Variants in DIMT1 observed in about 807,000 individuals in gnomAD.
DIMT1 encodes the protein dimethyladenosine transferase.
A neutral mutation model predicts 43.2 loss-of-function variants in DIMT1; 36 were observed. That is an observed-to-expected ratio of 0.83 (90% confidence interval 0.64 to 1.10). The LOEUF is 1.10. Among genes scored for constraint, DIMT1 ranks in the 50% least tolerant of loss-of-function variants. DIMT1 has a pLI of 0.00. For synonymous variants in DIMT1, 126 were observed against 130.3 expected (o/e 0.97, Z 0.22); for missense variants, 341 against 385.3 (o/e 0.88, Z 0.96).
intron 6 of DIMT1, among the ~76,000 whole-genome samples, chr5:62,397,001 G>A (rs1196003811): frequency 1.3e-5 from 2 of 152,184 alleles, no homozygotes; most frequent in Non-Finnish European, 1.5e-5. Context: ...GGAGTGTGGA[G>A]TGCAGTGGCA....
chr5:62,396,979 G>C (rs1029562535), intron 6 of DIMT1, among the ~76,000 whole-genome samples: 5 of 152,162 alleles, frequency 3.3e-5, no homozygotes, highest in African/African-American at 1.2e-4. Context: ...ATCTCGCTCT[G>C]TTGCCCAGGC....
In DIMT1 at chr5:62,388,910, AAAT is replaced by A. The variant is rs1433197599; in HGVS notation, c.*97_*99del. 8.9e-6 allele frequency: 10 copies of A among 1,125,162 alleles called. No homozygotes were observed. The Admixed American group carries it at 9.2e-5, about 10-fold the overall frequency. The allele number at this position is 1,125,162 out of a possible 1,614,324, so 69.7% of individuals were successfully genotyped here. On this transcript the variant is annotated 3_prime_UTR_variant, in exon 12 of 12. Coordinates refer to ENST00000199320, the MANE Select transcript of DIMT1 (RefSeq NM_014473.4). ...AGTATTGAACCAAAAATAGTCAAGT[AAAT>A]AATGTCTCAGTAAAGCAAAAGCATT...
intron 3 of DIMT1, among the ~76,000 whole-genome samples, chr5:62,400,034 G>A (rs893644217): frequency 6.6e-6 from 1 of 152,094 alleles, no homozygotes; most frequent in Non-Finnish European, 1.5e-5. Context: ...TTCAACAGAT[G>A]ATGAAAAAAA....
At chr5:62,401,948 C>A in intron 3 of DIMT1, 88 bp downstream of exon 3, 1 of 1,258,596 alleles carries the variant, frequency 7.9e-7, no homozygotes. Flanking sequence ...AAAATAATAG[C>A]AATTAGTTAA....
intron 11 of DIMT1, among the ~76,000 whole-genome samples, chr5:62,389,666 A>G (rs971511062): frequency 3.3e-5 from 5 of 152,098 alleles, no homozygotes; most frequent in African/African-American, 1.2e-4. Context: ...GTTTCAAGGT[A>G]ACTGAACAAG....
At chr5:62,403,230 TTAA>T in intron 2 of DIMT1, 40 bp downstream of exon 2, 1 of 1,567,354 alleles carries the variant, frequency 6.4e-7, no homozygotes, top group South Asian at 1.1e-5. Flanking sequence ...AGGAATAAAA[TTAA>T]TAAACCAACA....
chr5:62,398,770 T>G (rs533789607), intron 4 of DIMT1, 31 bp from the exon 5 acceptor site: 1 of 1,613,986 alleles, frequency 6.2e-7, no homozygotes, highest in Admixed American at 1.7e-5. Flanking sequence ...GTAAAAAGAA[T>G]GTTGTTTCAT....
rs758537610 is a variant in DIMT1 at position 62,394,060 on chromosome 5, A to C, written c.571-13T>G. On this transcript the variant is annotated splice_polypyrimidine_tract_variant and intron_variant, in intron 7 of 11. Coordinates refer to ENST00000199320, the MANE Select transcript of DIMT1 (RefSeq NM_014473.4). ...TATTCTTTCCCACCTGTTAATGAAAAAGTATTTAAGTAGTACTCACAAAGG... is the reference window on the plus strand; with the variant it reads ...TATTCTTTCCCACCTGTTAATGAAACAGTATTTAAGTAGTACTCACAAAGG... The C allele has an allele frequency of 1.5e-5, 24 of 1,609,202 alleles. 1 individual carries two copies. In the South Asian group the frequency reaches 2.7e-4, roughly 18 times the overall value.
At position 62,390,969 on chromosome 5, in the gene DIMT1, T is replaced by G. The variant is rs1277866740; in HGVS notation, c.806A>C (p.Asp269Ala). The G allele has an allele frequency of 1.2e-6, 2 of 1,613,212 alleles. No homozygotes were observed. Among genetic ancestry groups the G allele is most frequent in the African/African-American group, 2.7e-5 (2 of 74,932 alleles). The change falls in exon 11 of 12, where the codon GAT becomes GCT. Residue 269 changes from aspartate to alanine, a missense_variant. By Grantham distance (126) the Asp-to-Ala change is moderately radical. Transcript: ENST00000199320. ...CTGTATTTTATCTGCTATGCTGAAA[T>G]CTTCTGGTATTATCTATCAATATAA... ...CSVHNIIIPE[D>A]FSIADKIQQI...
At chr5:62,394,363 G>A in intron 7 of DIMT1, 121 bp downstream of exon 7, 1 of 1,082,366 alleles carries the variant, frequency 9.2e-7, no homozygotes, top group Non-Finnish European at 1.4e-6. Flanking sequence ...AGCTACTCGG[G>A]ACTCGAGAAG....
At chr5:62,403,090 A>T (rs1742765588) in intron 2 of DIMT1, among the ~76,000 whole-genome samples, 183 bp downstream of exon 2, 1 of 152,268 alleles carries the variant, frequency 6.6e-6, no homozygotes, top group East Asian at 1.9e-4. Flanking sequence ...GGAGAAACTC[A>T]GACCCACAAA....
chr5:62,394,875 AC>A (rs1742425542), intron 6 of DIMT1, among the ~76,000 whole-genome samples: 1 of 152,178 alleles, frequency 6.6e-6, no homozygotes, highest in South Asian at 2.1e-4. Flanking sequence ...CTAGTCCATC[AC>A]CTCTTCTATG....
At position 62,403,759 on chromosome 5, in the gene DIMT1, T is replaced by C; in HGVS notation, c.14A>G (p.Lys5Arg). Reference sequence around the variant, plus strand: ...GCGGCGGCGGCCGATGGCCCCCGACTTGACCTTCGGCATCTCGGCAGAAAG... The same window carrying C: ...GCGGCGGCGGCCGATGGCCCCCGACCTGACCTTCGGCATCTCGGCAGAAAG... MPKV[K>R]SGAIGRRRGR... Residue 5 changes from lysine (K) to arginine (R), a missense_variant, in exon 1 of 12, where the codon AAG (lysine) becomes AGG (arginine). By Grantham distance (26) the Lys-to-Arg change is conservative. Coordinates refer to ENST00000199320, the MANE Select transcript of DIMT1 (RefSeq NM_014473.4). The C allele has an allele frequency of 6.2e-7, 1 of 1,610,340 alleles. No individual in the cohort carries two copies. The highest frequency in any genetic ancestry group is 8.5e-7 in the Non-Finnish European group (1 of 1,178,812).
intron 3 of DIMT1, among the ~76,000 whole-genome samples, chr5:62,399,657 A>T (rs1168865745): frequency 6.6e-6 from 1 of 150,574 alleles, no homozygotes; most frequent in East Asian, 2.0e-4. Context: ...AAAAAAAAAA[A>T]GCCGGGTGTG....
intron 6 of DIMT1, among the ~76,000 whole-genome samples, chr5:62,395,170 G>A (rs1276882070): frequency 6.6e-6 from 1 of 151,658 alleles, no homozygotes; most frequent in African/African-American, 2.4e-5. Context: ...GATTACAGGC[G>A]CACACTACCA....
intron 6 of DIMT1, 92 bp downstream of exon 6, chr5:62,398,419 T>G (rs1298237384): frequency 1.5e-6 from 2 of 1,296,520 alleles, no homozygotes; most frequent in African/African-American, 1.5e-5. Context: ...TCAGTAGTTT[T>G]TCAACTGACC....
At chr5:62,399,036 A>G (rs1161119302) in intron 3 of DIMT1, among the ~76,000 whole-genome samples, 155 bp from the exon 4 acceptor site, 2 of 152,238 alleles carry the variant, frequency 1.3e-5, no homozygotes, top group Non-Finnish European at 2.9e-5. Flanking sequence ...TACTTCAAAC[A>G]ACAAACAAAA....
intron 8 of DIMT1, among the ~76,000 whole-genome samples, chr5:62,393,678 T>C (rs554931650): frequency 3.9e-5 from 6 of 152,194 alleles, no homozygotes; most frequent in Non-Finnish European, 8.8e-5. Context: ...TGAAAAGATG[T>C]TACCCATAAT....
At chr5:62,395,742 C>A (rs536725447) in intron 6 of DIMT1, among the ~76,000 whole-genome samples, 1 of 152,148 alleles carries the variant, frequency 6.6e-6, no homozygotes, top group Non-Finnish European at 1.5e-5. Context: ...GCGGCACACA[C>A]CTATAATCCA....
Sources: allele counts gnomAD v4.1 joint callset (sites outside exome capture counted in the v4.1 genomes callset), GRCh38; gene constraint gnomAD v4.1.1; transcripts MANE v1.5; gene names NCBI Gene and HGNC (gene_info 2026-07-23, HGNC 2026-07-21).